RGS7: variants seen among roughly 807,000 people sequenced by gnomAD.
RGS7 encodes regulator of G-protein signaling 7.
A neutral mutation model predicts 81.1 loss-of-function variants in RGS7; 27 were observed. That is an observed-to-expected ratio of 0.33 (90% confidence interval 0.25 to 0.46). The LOEUF (loss-of-function observed/expected upper bound fraction) is 0.46, where lower values mean the gene tolerates loss of function less well. RGS7 is among the 20% of genes least tolerant of loss of function. RGS7 has a pLI of 1.00. For synonymous variants in RGS7, 208 were observed against 207.7 expected (o/e 1.00, Z -0.01); for missense variants, 396 against 607.4 (o/e 0.65, Z 3.66).
rs79439035 is a variant in RGS7 at position 241,353,298 on chromosome 1, C to T, written c.78+2401G>A. The stretch of plus-strand genomic sequence containing the variant: ...TCTTCACATTGAAATTTGGCCTCTA[C>T]TGAGAAGATATTGAATGGAAAGCCC... On this transcript the variant is annotated intron_variant, in intron 2 of 18. Transcript: ENST00000440928. Among the ~76,000 whole-genome samples the T allele has an allele frequency of 1.4e-3, 220 of 152,256 alleles. 2 individuals carry two copies. The highest frequency in any genetic ancestry group is 5.2e-3 in the African/African-American group (214 of 41,552).
At chr1:241,155,861 T>A (rs372589259) in intron 2 of RGS7, among the ~76,000 whole-genome samples, 1 of 152,304 alleles carries the variant, frequency 6.6e-6, no homozygotes, top group Admixed American at 6.5e-5. Flanking sequence ...AAATGGATCA[T>A]AGGCTGAGAA....
Position 241,323,008 on chromosome 1 carries a change from C to T in RGS7, c.78+32691G>A, listed in dbSNP as rs748280073. Among the ~76,000 whole-genome samples the T allele has an allele frequency of 9.2e-5, 14 of 152,210 alleles. No homozygotes were observed. The East Asian group carries it at 2.7e-3, about 29-fold the overall frequency. ...GAAATAAAATAATTTCTAAATTCTA[C>T]TAACAGTAAAAAACACAAATATAAA... is the stretch of plus-strand genomic sequence containing the variant. On this transcript the variant is annotated intron_variant, in intron 2 of 18. Transcript: ENST00000440928.
At chr1:241,171,812 T>C (rs1469636008) in intron 2 of RGS7, among the ~76,000 whole-genome samples, 1 of 152,208 alleles carries the variant, frequency 6.6e-6, no homozygotes, top group Non-Finnish European at 1.5e-5. Context: ...ACTTTGTAAT[T>C]TTTTGTTCAT....
At chr1:240,841,678 C>T (rs1457257163) in intron 9 of RGS7, among the ~76,000 whole-genome samples, 5 of 152,100 alleles carry the variant, frequency 3.3e-5, no homozygotes, top group African/African-American at 1.2e-4. Flanking sequence ...AAGATTCAAA[C>T]CTTGGAAGAG....
chr1:240,976,647 G>C (rs1316758041), intron 4 of RGS7, among the ~76,000 whole-genome samples: 1 of 152,060 alleles, frequency 6.6e-6, no homozygotes, highest in African/African-American at 2.4e-5. Context: ...TTCATGCCTA[G>C]GTCTCCAGCC....
At chr1:240,913,539 G>A (rs372915012) in intron 6 of RGS7, among the ~76,000 whole-genome samples, 2 of 152,178 alleles carry the variant, frequency 1.3e-5, no homozygotes, top group Admixed American at 1.3e-4. Context: ...TACACAATGA[G>A]TTGGTTCTCA....
At chr1:240,977,121 C>CACAA (rs1558548712) in intron 4 of RGS7, among the ~76,000 whole-genome samples, 1 of 151,268 alleles carries the variant, frequency 6.6e-6, no homozygotes, top group Non-Finnish European at 1.5e-5. Flanking sequence ...CACACACACA[C>CACAA]ACACACACAC....
intron 2 of RGS7, among the ~76,000 whole-genome samples, chr1:241,165,319 G>A (rs1378897889): frequency 6.6e-6 from 1 of 152,088 alleles, no homozygotes; most frequent in Non-Finnish European, 1.5e-5. Flanking sequence ...ACAATATTTA[G>A]ACACATGCAC....
intron 3 of RGS7, among the ~76,000 whole-genome samples, chr1:241,031,167 A>T (rs1037317139): frequency 6.6e-6 from 1 of 152,114 alleles, no homozygotes; most frequent in African/African-American, 2.4e-5. Context: ...TGAATTCTAT[A>T]GTCTTGTCTT....
At chr1:241,026,462 G>A (rs141455178) in intron 3 of RGS7, among the ~76,000 whole-genome samples, 1,648 of 152,122 alleles carry the variant, frequency 0.011, 11 homozygotes, top group Middle Eastern at 0.02. Flanking sequence ...GGTTGCACAT[G>A]CCTGTAATTC....
chr1:241,067,358 T>C (rs1470560663), intron 3 of RGS7, among the ~76,000 whole-genome samples: 1 of 152,110 alleles, frequency 6.6e-6, no homozygotes, highest in Non-Finnish European at 1.5e-5. Flanking sequence ...CTGTATTCCA[T>C]GATCCTAGCT....
chr1:241,255,410 G>T (rs144235824), intron 2 of RGS7, among the ~76,000 whole-genome samples: 117 of 152,266 alleles, frequency 7.7e-4, no homozygotes, highest in African/African-American at 2.7e-3. Context: ...ACACAATGTT[G>T]TTTAACCAGG....
At chr1:240,956,485 G>A (rs755410059) in intron 4 of RGS7, among the ~76,000 whole-genome samples, 6 of 151,906 alleles carry the variant, frequency 3.9e-5, no homozygotes, top group African/African-American at 9.7e-5. Context: ...AATAATTTAC[G>A]TAGATACTTT....
At chr1:240,786,201 G>T (rs866019256) in intron 18 of RGS7, among the ~76,000 whole-genome samples, 8 of 151,952 alleles carry the variant, frequency 5.3e-5, no homozygotes, top group African/African-American at 1.9e-4. Context: ...AAAAAGAGAA[G>T]AAATAAATAT....
rs192230689 is a variant in RGS7, at chr1:241,055,118, T to G, written c.175+43548A>C. Reference sequence around the variant, plus strand: ...CTTTTTAATTTTAAATATTAAGGTATAAAAGATAGGAAAAACCAACACCAC... The same window carrying G: ...CTTTTTAATTTTAAATATTAAGGTAGAAAAGATAGGAAAAACCAACACCAC... On this transcript the variant is annotated intron_variant, in intron 3 of 18. Transcript: ENST00000440928. Among the ~76,000 whole-genome samples the G allele has an allele frequency of 1.1e-3, 166 of 151,654 alleles. 1 individual carries two copies. The highest frequency in any genetic ancestry group is 3.7e-3 in the African/African-American group (153 of 41,424).
At chr1:240,815,956 T>G (rs1247600081) in intron 11 of RGS7, among the ~76,000 whole-genome samples, 1 of 152,210 alleles carries the variant, frequency 6.6e-6, no homozygotes, top group Non-Finnish European at 1.5e-5. Context: ...AGTGTGACAA[T>G]GTTCTCAACC....
At chr1:241,343,979 C>G (rs972746660) in intron 2 of RGS7, among the ~76,000 whole-genome samples, 1 of 152,130 alleles carries the variant, frequency 6.6e-6, no homozygotes, top group Non-Finnish European at 1.5e-5. Flanking sequence ...GGATCCAAGA[C>G]AAATAACAGA....
chr1:241,223,515 G>T (rs982218705), intron 2 of RGS7, among the ~76,000 whole-genome samples: 1 of 152,098 alleles, frequency 6.6e-6, no homozygotes, highest in African/African-American at 2.4e-5. Flanking sequence ...TTGTTGGAAA[G>T]CCTGGCAAGC....
At position 241,204,210 on chromosome 1, in the gene RGS7, A is replaced by G. The variant is rs111444167; in HGVS notation, c.79-105448T>C. Among the ~76,000 whole-genome samples, 732 of 152,320 alleles carry G rather than the reference A, an allele frequency of 4.8e-3. 7 individuals are homozygous for G. The highest frequency in any genetic ancestry group is 0.017 in the African/African-American group (699 of 41,576). On this transcript the variant is annotated intron_variant, in intron 2 of 18. Transcript: ENST00000440928. Reference sequence around the variant, plus strand: ...ATTTTCTCAGAAATGGCACAAAGAAAGGAGCTCAAGAATCACAGTCAACAC... The same window carrying G: ...ATTTTCTCAGAAATGGCACAAAGAAGGGAGCTCAAGAATCACAGTCAACAC...
Sources: gnomAD v4.1 joint callset for allele counts (sites outside exome capture counted in the v4.1 genomes callset) on GRCh38, gnomAD v4.1.1 for gene constraint, MANE v1.5 for transcripts, NCBI Gene and HGNC (gene_info 2026-07-23, HGNC 2026-07-21) for gene names.